Variants in CRACD observed in about 807,000 individuals in gnomAD.
CRACD encodes the protein capping protein-inhibiting regulator of actin dynamics.
CRACD carries 56 observed loss-of-function variants against 106.8 expected under a neutral mutation model. The ratio of observed to expected loss-of-function variants is 0.52; its 90% CI spans 0.42 to 0.66. The LOEUF (loss-of-function observed/expected upper bound fraction) is 0.66. Ranked by LOEUF, CRACD falls within the 30% of genes least tolerant of loss-of-function variation. The pLI is 0.00. For missense variants in CRACD, 1,730 were observed against 1,623.2 expected (o/e 1.07, Z -1.13); for synonymous variants, 754 against 670.8 (o/e 1.12, Z -1.92).
intron 3 of CRACD, among the ~76,000 whole-genome samples, chr4:56,287,167 T>C (rs930956049): frequency 6.6e-6 from 1 of 152,176 alleles, no homozygotes; most frequent in Non-Finnish European, 1.5e-5. Context: ...CTCTGTCACC[T>C]AGGCTGGAGT....
chr4:56,099,103 T>A (rs1239466378), intron 1 of CRACD, among the ~76,000 whole-genome samples: 1 of 152,208 alleles, frequency 6.6e-6, no homozygotes, highest in African/African-American at 2.4e-5. Flanking sequence ...CAGTTTAGAT[T>A]TCACTTGAAG....
chr4:56,295,964 G>A (rs968542186), intron 3 of CRACD, among the ~76,000 whole-genome samples: 1 of 152,006 alleles, frequency 6.6e-6, no homozygotes, highest in African/African-American at 2.4e-5. Flanking sequence ...CTAAAAGAGT[G>A]CCTCATATTT....
In CRACD at chr4:56,314,642, G is replaced by A. The variant is rs1425851068; in HGVS notation, c.1140G>A (p.Gln380=). ...TGGAACAGCAGGAGGCGGAGGTGCAGGGGCCGCCCGAGGCGTTGGAGGAGA... is the reference window on the plus strand; with the variant it reads ...TGGAACAGCAGGAGGCGGAGGTGCAAGGGCCGCCCGAGGCGTTGGAGGAGA... The part of the protein sequence containing the change: ...EELEQQEAEV[Q]GPPEALEETG... Residue 380 remains glutamine (Q), a synonymous_variant, in exon 8 of 11, where the codon CAG becomes CAA. Coordinates refer to ENST00000682029, the MANE Select transcript of CRACD (RefSeq NM_001393381.1). This position sits in a 1 kb window ranked among gnomAD's most constrained non-coding sequence, Gnocchi z 4.4. 1.9e-6 allele frequency: 3 copies of A among 1,544,082 alleles called. No individual in the cohort carries two copies. The South Asian group carries it at 3.6e-5, about 18-fold the overall frequency.
At chr4:56,227,885 C>CT (rs1739393443) in intron 2 of CRACD, among the ~76,000 whole-genome samples, 1 of 152,172 alleles carries the variant, frequency 6.6e-6, no homozygotes, top group Non-Finnish European at 1.5e-5. Context: ...GTCGTATTCT[C>CT]TTTCTTTTTT....
At chr4:56,169,673 T>A (rs986959044) in intron 1 of CRACD, among the ~76,000 whole-genome samples, 10 of 152,090 alleles carry the variant, frequency 6.6e-5, no homozygotes, top group Non-Finnish European at 1.0e-4. Flanking sequence ...ATTTTTGTAT[T>A]TTTTTGTAGA....
intron 2 of CRACD, among the ~76,000 whole-genome samples, chr4:56,213,657 G>T (rs1274184765): frequency 6.6e-6 from 1 of 152,210 alleles, no homozygotes; most frequent in Non-Finnish European, 1.5e-5. Context: ...GAAACAGCTG[G>T]ATTGGTTACA....
intron 2 of CRACD, among the ~76,000 whole-genome samples, chr4:56,186,983 G>A (rs1227679924): frequency 6.6e-6 from 1 of 151,898 alleles, no homozygotes; most frequent in Non-Finnish European, 1.5e-5. Flanking sequence ...GTGGGAGGAT[G>A]GCTTGAGCTT....
In CRACD at chr4:56,322,318, G is replaced by C. The variant is rs1359024573; in HGVS notation, c.3188-1059G>C. The stretch of plus-strand genomic sequence containing the variant: ...TTCTAGATTAGAAAACTAAAGCTTA[G>C]AGAAGTTAAGTAGTTTTTGTAAGAT... On this transcript the variant is annotated intron_variant, in intron 8 of 10. Transcript: ENST00000682029. Among the ~76,000 whole-genome samples, 4 of 152,178 alleles carry C rather than the reference G, an allele frequency of 2.6e-5. No homozygotes were observed. The East Asian group carries it at 7.7e-4, about 29-fold the overall frequency.
At chr4:56,240,153 T>C (rs1178802160) in intron 2 of CRACD, among the ~76,000 whole-genome samples, 2 of 152,190 alleles carry the variant, frequency 1.3e-5, no homozygotes, top group South Asian at 2.1e-4. Flanking sequence ...CTTTTCCTTG[T>C]CCCAAAAGGC....
intron 1 of CRACD, among the ~76,000 whole-genome samples, chr4:56,137,910 A>T (rs1735060263): frequency 6.6e-6 from 1 of 152,134 alleles, no homozygotes; most frequent in Non-Finnish European, 1.5e-5. Flanking sequence ...AGATACTCTG[A>T]TTTTCTGGAT....
chr4:56,215,246 C>A (rs1427948581), intron 2 of CRACD, among the ~76,000 whole-genome samples: 1 of 152,148 alleles, frequency 6.6e-6, no homozygotes, highest in Non-Finnish European at 1.5e-5. Context: ...ATCTTGAACT[C>A]CTGAGCTCAA....
At chr4:56,129,634 G>A (rs530035613) in intron 1 of CRACD, among the ~76,000 whole-genome samples, 18 of 152,172 alleles carry the variant, frequency 1.2e-4, no homozygotes, top group Admixed American at 8.5e-4. Flanking sequence ...GAGGGCACTC[G>A]ATGATGCAGC....
chr4:56,104,909 A>G (rs10018211), intron 1 of CRACD, among the ~76,000 whole-genome samples: 34,528 of 149,668 alleles, frequency 0.23, 4,670 homozygotes, highest in African/African-American at 0.36. Context: ...GGAACTTGCA[A>G]TGAGCTGAGT....
chr4:56,133,041 G>A (rs1321001523), intron 1 of CRACD, among the ~76,000 whole-genome samples: 1 of 152,208 alleles, frequency 6.6e-6, no homozygotes, highest in East Asian at 1.9e-4. Context: ...AGCAGAAGCT[G>A]TTAGAGGTCT....
chr4:56,163,934 G>A (rs1045369011), intron 1 of CRACD, among the ~76,000 whole-genome samples: 2 of 151,986 alleles, frequency 1.3e-5, no homozygotes, highest in Non-Finnish European at 1.5e-5. Context: ...TTTTAGTAGA[G>A]ACGGGGTTTC....
rs1421740705 is a variant in CRACD at position 56,189,908 on chromosome 4, C to T, written c.-189+10478C>T. On this transcript the variant is annotated intron_variant, in intron 2 of 10. Transcript: ENST00000682029. ...TATGTATACATGTGCCATGCTGGTG[C>T]GCTGCACCCACTAACTCATCATCTA... Among the ~76,000 whole-genome samples the T allele has an allele frequency of 4.3e-4, 64 of 148,366 alleles. 1 individual carries two copies. Among genetic ancestry groups the T allele is most frequent in the African/African-American group, 9.4e-4 (38 of 40,364 alleles).
intron 4 of CRACD, among the ~76,000 whole-genome samples, chr4:56,302,469 G>A (rs1397222842): frequency 2.0e-5 from 3 of 152,058 alleles, no homozygotes; most frequent in Admixed American, 6.6e-5. Flanking sequence ...GTGTAGGAGG[G>A]AACACCGCCA....
intron 2 of CRACD, among the ~76,000 whole-genome samples, chr4:56,247,965 G>A (rs149818130): frequency 6.6e-6 from 1 of 152,254 alleles, no homozygotes; most frequent in African/African-American, 2.4e-5. Context: ...AAATAACATG[G>A]GAGAGTGAAT....
chr4:56,244,307 G>C (rs182396557), intron 2 of CRACD, among the ~76,000 whole-genome samples: 1 of 152,266 alleles, frequency 6.6e-6, no homozygotes, highest in Admixed American at 6.5e-5. Flanking sequence ...TGCTGGCAAT[G>C]ATGTTATGGG....
Sources: allele counts gnomAD v4.1 joint callset (sites outside exome capture counted in the v4.1 genomes callset), GRCh38; gene constraint gnomAD v4.1.1; non-coding constraint Gnocchi (gnomAD v3.1); transcripts MANE v1.5; gene names NCBI Gene and HGNC (gene_info 2026-07-23, HGNC 2026-07-21).